Variants in REEP5 observed in about 807,000 individuals in gnomAD.
REEP5 encodes the protein receptor expression-enhancing protein 5.
In REEP5, 24 loss-of-function variants were observed where a neutral mutation model predicts 22.4. The ratio of observed to expected loss-of-function variants is 1.07; its 90% CI spans 0.78 to 1.51. REEP5 has a LOEUF of 1.51. Among genes scored for constraint, REEP5 ranks in the 40% most tolerant of loss-of-function variants. The pLI is 0.00. For synonymous variants in REEP5, 103 were observed against 88.6 expected (o/e 1.16, Z -0.92); for missense variants, 252 against 233.0 (o/e 1.08, Z -0.53).
In REEP5 at chr5:112,880,958, GTC is replaced by G. The variant is rs144578870; in HGVS notation, c.521-2125_521-2124del. On this transcript the variant is annotated intron_variant, in intron 4 of 4. Coordinates refer to ENST00000379638, the MANE Select transcript of REEP5 (RefSeq NM_005669.5). ...AGCCTGGCCAACATGGCATAACGGT[GTC>G]TCTACTAAAAATACAAGTATCAGCT... Among the ~76,000 whole-genome samples the G allele has an allele frequency of 3.5e-4, 53 of 152,052 alleles. No individual in the cohort carries two copies. The East Asian group carries it at 9.7e-3, about 28-fold the overall frequency.
At chr5:112,894,483 A>G (rs1371005155) in intron 3 of REEP5, 1 of 152,232 alleles carries the variant, frequency 6.6e-6, no homozygotes, top group African/African-American at 2.4e-5. Flanking sequence ...AGGAAAAGCT[A>G]TACATCCCCA....
At chr5:112,892,191 A>T in intron 3 of REEP5, 1 of 1,614,200 alleles carries the variant, frequency 6.2e-7, no homozygotes, top group Non-Finnish European at 8.5e-7. Flanking sequence ...GTAAAACAGG[A>T]GCTTGCAGAT....
chr5:112,891,311 G>T (rs750980236), intron 3 of REEP5, among the ~76,000 whole-genome samples: 3 of 152,088 alleles, frequency 2.0e-5, no homozygotes, highest in Non-Finnish European at 4.4e-5. Context: ...GGCCTCAGGT[G>T]ATCCGCCCAT....
intron 3 of REEP5, chr5:112,895,262 G>C (rs376985662): frequency 3.1e-4 from 25 of 81,542 alleles, no homozygotes; most frequent in African/African-American, 8.2e-4. Flanking sequence ...AAAAAAATCA[G>C]GAGAGGTGGG....
intron 4 of REEP5, among the ~76,000 whole-genome samples, chr5:112,881,345 T>A (rs1047246645): frequency 3.3e-5 from 5 of 152,112 alleles, no homozygotes; most frequent in African/African-American, 1.2e-4. Context: ...TACTTCCCCA[T>A]GGTCAGGCAA....
At chr5:112,879,612 T>C (rs1311910317) in intron 4 of REEP5, among the ~76,000 whole-genome samples, 1 of 152,152 alleles carries the variant, frequency 6.6e-6, no homozygotes, top group Non-Finnish European at 1.5e-5. Context: ...TAGCTGGGAC[T>C]ACATGCACTC....
intron 4 of REEP5, among the ~76,000 whole-genome samples, chr5:112,881,014 A>G (rs2150033565): frequency 6.6e-6 from 1 of 151,584 alleles, no homozygotes; most frequent in Non-Finnish European, 1.5e-5. Context: ...CTGTAATCAC[A>G]GCTACTTGGG....
rs577048008 is a variant in REEP5 at position 112,880,396 on chromosome 5, C to T, written c.521-1561G>A. 2.2e-4 allele frequency among the ~76,000 whole-genome samples: 34 copies of T among 152,246 alleles called. No homozygotes were observed. In the South Asian group the frequency reaches 6.6e-3, roughly 30 times the overall value. ...GGGGTTGTCTAGAAGCCTCCAGGGC[C>T]CACTGTGAGATTTTACAATCTGCAG... On this transcript the variant is annotated intron_variant, in intron 4 of 4. Coordinates refer to ENST00000379638, the MANE Select transcript of REEP5 (RefSeq NM_005669.5).
At chr5:112,904,601 T>C (rs183964461) in intron 2 of REEP5, among the ~76,000 whole-genome samples, 1 of 152,340 alleles carries the variant, frequency 6.6e-6, no homozygotes, top group East Asian at 1.9e-4. Flanking sequence ...ACTGTCATTG[T>C]TAATCCAGTG....
chr5:112,911,427 G>A (rs565684028), intron 2 of REEP5, among the ~76,000 whole-genome samples: 1 of 152,212 alleles, frequency 6.6e-6, no homozygotes, highest in East Asian at 1.9e-4. Context: ...TTTTGCTGAG[G>A]TTTCATCTAT....
intron 3 of REEP5, chr5:112,893,069 A>C (rs1407288892): frequency 8.4e-7 from 1 of 1,187,562 alleles, no homozygotes; most frequent in South Asian, 1.3e-5. Context: ...CAGAGTCCCC[A>C]ATCCAAATAA....
At chr5:112,885,689 C>A (rs966834056) in intron 4 of REEP5, 6 of 308,372 alleles carry the variant, frequency 1.9e-5, no homozygotes, top group Non-Finnish European at 4.0e-5. Flanking sequence ...TCCTAACCAG[C>A]CTCCCTTTCT....
chr5:112,906,467 T>A (rs1438439477), intron 2 of REEP5, among the ~76,000 whole-genome samples: 1 of 152,160 alleles, frequency 6.6e-6, no homozygotes, highest in Non-Finnish European at 1.5e-5. Flanking sequence ...GAGGTCACAA[T>A]CTTACTTTTG....
chr5:112,880,836 C>G (rs1470379893), intron 4 of REEP5, among the ~76,000 whole-genome samples: 1 of 152,088 alleles, frequency 6.6e-6, no homozygotes, highest in Non-Finnish European at 1.5e-5. Flanking sequence ...TAAAAATAAG[C>G]TGGTAATCCT....
At chr5:112,884,782 C>CA (rs1027948617) in intron 4 of REEP5, among the ~76,000 whole-genome samples, 1 of 151,498 alleles carries the variant, frequency 6.6e-6, no homozygotes, top group Non-Finnish European at 1.5e-5. Flanking sequence ...GTCCTTGGCC[C>CA]CCCCCCATCT....
chr5:112,902,478 G>A lies in REEP5; in HGVS notation c.253C>T (p.Gln85Ter). Residue 85 changes from glutamine (Q) to a stop codon, truncating the protein, a stop_gained, in exon 3 of 5, where the codon CAG becomes TAG. Transcript: ENST00000379638. LOFTEE classifies it high-confidence loss of function. ...TACACTACCCAGTAGGTCAGCCACT[G>A]GGTATCATCTTCTTTGTTGGGACTC... is the stretch of plus-strand genomic sequence containing the variant. Reference protein sequence around the residue: ...IESPNKEDDTQWLTYWVVYGV... With the variant: ...IESPNKEDDT The A allele has an allele frequency of 1.2e-6, 2 of 1,610,834 alleles. No homozygotes were observed. The highest frequency in any genetic ancestry group is 1.7e-6 in the Non-Finnish European group (2 of 1,179,006).
chr5:112,878,659 A>G lies in REEP5; in HGVS notation c.*127T>C. 7.4e-7 allele frequency: 1 copy of G among 1,351,204 alleles called. No homozygotes were observed. Among genetic ancestry groups the G allele is most frequent in the Non-Finnish European group, 1.0e-6 (1 of 987,202 alleles). 83.7% of individuals were successfully genotyped at this position (1,351,204 alleles called of 1,614,324 possible). On this transcript the variant is annotated 3_prime_UTR_variant, in exon 5 of 5. Coordinates refer to ENST00000379638, the MANE Select transcript of REEP5 (RefSeq NM_005669.5). ...AGCAAAGAAACTTACAACACATTCC[A>G]ATCTTTAATATCTCAAAAATGTTTC...
chr5:112,921,700 G>C (rs1769373383), intron 1 of REEP5: 2 of 240,902 alleles, frequency 8.3e-6, no homozygotes, highest in African/African-American at 2.3e-5. Flanking sequence ...CTCCACGGAG[G>C]GTCGGGTAGG....
intron 2 of REEP5, among the ~76,000 whole-genome samples, chr5:112,916,476 T>C (rs1240269777): frequency 2.0e-5 from 3 of 152,294 alleles, no homozygotes; most frequent in South Asian, 4.1e-4. Context: ...ACATAACAGA[T>C]AAGAAAAGTT....
Sources: allele counts gnomAD v4.1 joint callset (sites outside exome capture counted in the v4.1 genomes callset), GRCh38; gene constraint gnomAD v4.1.1; transcripts MANE v1.5; gene names NCBI Gene and HGNC (gene_info 2026-07-23, HGNC 2026-07-21).